ZHX2: variants seen among roughly 807,000 people sequenced by gnomAD.
ZHX2 encodes zinc fingers and homeoboxes protein 2.
Under a neutral mutation model 21.9 loss-of-function variants are expected in ZHX2, and 6 were observed. That is an observed-to-expected ratio of 0.27 (90% CI 0.15 to 0.54). The LOEUF is 0.54. Among genes scored for constraint, ZHX2 ranks in the 20% least tolerant of loss-of-function variants. The pLI is 0.95. For missense variants in ZHX2, 908 were observed against 1,090.7 expected, an observed-to-expected ratio of 0.83 and a Z score of 2.36; for synonymous variants, 434 against 437.1, an observed-to-expected ratio of 0.99 and a Z score of 0.09.
intron 1 of ZHX2, among the ~76,000 whole-genome samples, chr8:122,786,825 A>G (rs1817405725): frequency 6.6e-6 from 1 of 151,980 alleles, no homozygotes; most frequent in Non-Finnish European, 1.5e-5. Context: ...GTGCTGTGTC[A>G]TAGCCACATC....
At chr8:122,877,783 T>C (rs1049140527) in intron 2 of ZHX2, among the ~76,000 whole-genome samples, 4 of 152,144 alleles carry the variant, frequency 2.6e-5, no homozygotes, top group Admixed American at 2.6e-4. Flanking sequence ...GAAGGAGGAC[T>C]TGGGGGAGCT....
At chr8:122,816,079 CAAAAA>C (rs71310626) in intron 1 of ZHX2, among the ~76,000 whole-genome samples, 1 of 90,274 alleles carries the variant, frequency 1.1e-5, no homozygotes, top group Non-Finnish European at 2.1e-5. Flanking sequence ...GACTCCGTCT[CAAAAA>C]AAAAAAAAAA....
At chr8:122,801,948 G>A (rs1483133251) in intron 1 of ZHX2, among the ~76,000 whole-genome samples, 1 of 152,184 alleles carries the variant, frequency 6.6e-6, no homozygotes, top group East Asian at 1.9e-4. Flanking sequence ...GGGGTCAGGA[G>A]ACCTGGGATC....
chr8:122,924,001 T>C (rs1398127743), intron 2 of ZHX2, among the ~76,000 whole-genome samples: 1 of 152,156 alleles, frequency 6.6e-6, no homozygotes, highest in African/African-American at 2.4e-5. Context: ...ATTGTCAAAA[T>C]TGGCAGAATC....
chr8:122,892,672 C>A (rs1422250987), intron 2 of ZHX2, among the ~76,000 whole-genome samples: 1 of 151,990 alleles, frequency 6.6e-6, no homozygotes, highest in African/African-American at 2.4e-5. Context: ...TTAAGCATGT[C>A]TTTTTTTATT....
At chr8:122,871,357 G>A (rs1819431019) in intron 2 of ZHX2, among the ~76,000 whole-genome samples, 1 of 151,906 alleles carries the variant, frequency 6.6e-6, no homozygotes, top group Admixed American at 6.5e-5. Context: ...CATAAAAAAT[G>A]ATGAGTTCAT....
chr8:122,823,676 G>T (rs1025213485), intron 1 of ZHX2, among the ~76,000 whole-genome samples: 3 of 152,148 alleles, frequency 2.0e-5, no homozygotes, highest in Admixed American at 6.6e-5. Context: ...TGACAAAGAG[G>T]TTCCCTTGTC....
At chr8:122,786,639 A>G (rs1817401824) in intron 1 of ZHX2, among the ~76,000 whole-genome samples, 1 of 152,190 alleles carries the variant, frequency 6.6e-6, no homozygotes. Context: ...TGAGGTGCCA[A>G]GTAATTAGCA....
chr8:122,780,634 G>A (rs1395723538), upstream of ZHX2: 3 of 152,200 alleles, frequency 2.0e-5, no homozygotes, highest in Admixed American at 6.5e-5. Flanking sequence ...CCGAGCCGGC[G>A]GGCGAAGGGC....
chr8:122,948,337 A>G (rs1004923851), intron 2 of ZHX2, among the ~76,000 whole-genome samples: 1 of 151,926 alleles, frequency 6.6e-6, no homozygotes, highest in African/African-American at 2.4e-5. Context: ...GCTTCAAAAC[A>G]TGTCTCCCAC....
chr8:122,872,463 T>A (rs1286130998), intron 2 of ZHX2, among the ~76,000 whole-genome samples: 2 of 152,138 alleles, frequency 1.3e-5, no homozygotes, highest in African/African-American at 4.8e-5. Flanking sequence ...CTTCCTCCAC[T>A]ATTAGGAGTG....
At chr8:122,863,880 A>T (rs1217204281) in intron 2 of ZHX2, among the ~76,000 whole-genome samples, 1 of 152,106 alleles carries the variant, frequency 6.6e-6, no homozygotes, top group Non-Finnish European at 1.5e-5. Flanking sequence ...TATTCTTAGA[A>T]CAGAGAGGGA....
chr8:122,895,609 G>A (rs922296921), intron 2 of ZHX2, among the ~76,000 whole-genome samples: 1 of 152,100 alleles, frequency 6.6e-6, no homozygotes, highest in Non-Finnish European at 1.5e-5. Context: ...CTGGTGTCAT[G>A]GAAGTGGACC....
chr8:122,885,865 C>A (rs1264398013), intron 2 of ZHX2, among the ~76,000 whole-genome samples: 1 of 152,116 alleles, frequency 6.6e-6, no homozygotes, highest in Admixed American at 6.5e-5. Flanking sequence ...AGTCTGTAGC[C>A]CTGGCTGTGT....
intron 2 of ZHX2, among the ~76,000 whole-genome samples, chr8:122,925,302 C>T (rs571819794): frequency 1.0e-3 from 158 of 152,278 alleles, no homozygotes; most frequent in Non-Finnish European, 1.4e-3. Context: ...AAGAGATAGG[C>T]AGCGTAGAGG....
chr8:122,841,497 G>T (rs1201458951), intron 1 of ZHX2, among the ~76,000 whole-genome samples: 2 of 151,902 alleles, frequency 1.3e-5, no homozygotes, highest in African/African-American at 4.8e-5. Context: ...GGAACAGACC[G>T]TGAACTACAC....
chr8:122,860,197 A>T (rs1679528238), intron 1 of ZHX2, among the ~76,000 whole-genome samples: 1 of 152,250 alleles, frequency 6.6e-6, no homozygotes, highest in South Asian at 2.1e-4. Flanking sequence ...AGATCTCGTG[A>T]GAACTCACTC....
At chr8:122,930,445 C>A (rs1178007692) in intron 2 of ZHX2, among the ~76,000 whole-genome samples, 3 of 152,154 alleles carry the variant, frequency 2.0e-5, no homozygotes, top group African/African-American at 7.2e-5. Context: ...CTTTTTAGAA[C>A]CCTTCCACAT....
intron 2 of ZHX2, among the ~76,000 whole-genome samples, chr8:122,924,086 G>A (rs911849959): frequency 9.2e-5 from 14 of 152,196 alleles, no homozygotes; most frequent in Admixed American, 2.0e-4. Flanking sequence ...TTTGCGTGGT[G>A]TATCAGTTTC....
Sources: allele counts gnomAD v4.1 joint callset (sites outside exome capture counted in the v4.1 genomes callset), GRCh38; gene constraint gnomAD v4.1.1; transcripts MANE v1.5; gene names NCBI Gene and HGNC (gene_info 2026-07-23, HGNC 2026-07-21).